The following TRPM3 variants were observed in gnomAD, a reference collection of about 807,000 sequenced individuals.
TRPM3 encodes the protein long transient receptor potential channel 3.
In TRPM3, 77 loss-of-function variants were observed where a neutral mutation model predicts 181.2. The observed-to-expected ratio is 0.42, with a 90% CI of 0.35 to 0.51. The LOEUF is 0.51. Ranked by LOEUF, TRPM3 falls within the 20% of genes least tolerant of loss-of-function variation. The probability of loss-of-function intolerance (pLI) is 0.01; values close to 1 mark genes in which losing one functional copy is unlikely to be tolerated. For synonymous variants in TRPM3, 745 were observed against 796.4 expected (o/e 0.94, Z 1.09); for missense variants, 1,759 against 2,196.7 (o/e 0.80, Z 3.98).
At chr9:70,931,655 T>A (rs185880241) in intron 1 of TRPM3, among the ~76,000 whole-genome samples, 171 of 151,958 alleles carry the variant, frequency 1.1e-3, no homozygotes, top group African/African-American at 4.1e-3. Context: ...AAAGAAAAAA[T>A]TGGTCTCTGG....
intron 9 of TRPM3, among the ~76,000 whole-genome samples, chr9:70,665,202 GT>G (rs11287473): frequency 0.39 from 58,359 of 151,582 alleles, 11,717 homozygotes; most frequent in African/African-American, 0.49. Context: ...AGCATTGTTT[GT>G]TTTTTTCCTC....
Position 70,665,537 on chromosome 9 carries a change from C to T in TRPM3, c.1345+15969G>A, listed in dbSNP as rs150736996. ...AATAGACACGTTCTCTTTATTGTGC[C>T]CTCTGCCATAAAGTCAGTCAGTACT... On this transcript the variant is annotated intron_variant, in intron 9 of 25. Transcript: ENST00000677713. Among the ~76,000 whole-genome samples the T allele has an allele frequency of 3.3e-4, 51 of 152,252 alleles. 1 individual carries two copies. Among genetic ancestry groups the T allele is most frequent in the African/African-American group, 1.1e-3 (46 of 41,542 alleles).
chr9:70,811,333 AT>A (rs2091997640), intron 6 of TRPM3: 1 of 1,141,184 alleles, frequency 8.8e-7, no homozygotes, highest in Admixed American at 2.2e-5. Flanking sequence ...ATTTACATAA[AT>A]TTATATACGT....
rs76836180 is a variant in TRPM3, at chr9:71,217,452, C to T, written c.183+229201G>A. ...TGTTTGGCTTCCATAATAAAGTCAACGGCTAAGCATAGCAGTCCTCTGCCC... is the reference window on the plus strand; with the variant it reads ...TGTTTGGCTTCCATAATAAAGTCAATGGCTAAGCATAGCAGTCCTCTGCCC... On this transcript the variant is annotated intron_variant, in intron 1 of 24. Transcript: ENST00000357533. 8.5e-3 allele frequency among the ~76,000 whole-genome samples: 1,292 copies of T among 152,274 alleles called. 10 individuals are homozygous for T. Among genetic ancestry groups the T allele is most frequent in the Non-Finnish European group, 0.014 (949 of 68,022 alleles).
chr9:70,988,882 C>A (rs1378298210), intron 1 of TRPM3, among the ~76,000 whole-genome samples: 1 of 152,104 alleles, frequency 6.6e-6, no homozygotes, highest in African/African-American at 2.4e-5. Flanking sequence ...TGAAAGCCAG[C>A]AAGACAAAAG....
At chr9:71,198,435 G>T (rs1317307369) in intron 1 of TRPM3, among the ~76,000 whole-genome samples, 1 of 152,012 alleles carries the variant, frequency 6.6e-6, no homozygotes, top group Admixed American at 6.6e-5. Context: ...TCATGGGGAT[G>T]GCATTAAATC....
intron 1 of TRPM3, among the ~76,000 whole-genome samples, chr9:71,154,867 A>C (rs2075905325): frequency 6.6e-6 from 1 of 152,192 alleles, no homozygotes; most frequent in East Asian, 1.9e-4. Context: ...TTTGAAACTC[A>C]AGATTCCCAT....
intron 22 of TRPM3, among the ~76,000 whole-genome samples, chr9:70,564,831 G>T (rs985717266): frequency 6.6e-6 from 1 of 152,150 alleles, no homozygotes; most frequent in Admixed American, 6.5e-5. Flanking sequence ...TAATATTCAG[G>T]AATGCGTATA....
At chr9:71,018,814 C>T (rs1352647926) in intron 1 of TRPM3, among the ~76,000 whole-genome samples, 1 of 151,822 alleles carries the variant, frequency 6.6e-6, no homozygotes, top group African/African-American at 2.4e-5. Context: ...AACCTTGATA[C>T]TAAATCCTGA....
At chr9:70,967,707 T>C (rs562146239) in intron 1 of TRPM3, among the ~76,000 whole-genome samples, 2 of 152,246 alleles carry the variant, frequency 1.3e-5, no homozygotes, top group Non-Finnish European at 2.9e-5. Flanking sequence ...GACTCAACAA[T>C]TTCTTTTTAG....
intron 1 of TRPM3, among the ~76,000 whole-genome samples, chr9:71,256,802 A>C (rs537478028): frequency 6.6e-6 from 1 of 152,300 alleles, no homozygotes; most frequent in South Asian, 2.1e-4. Context: ...AATCTGTGCT[A>C]TGACTTATAG....
intron 22 of TRPM3, among the ~76,000 whole-genome samples, chr9:70,572,114 T>TTG (rs58492210): frequency 0.19 from 27,958 of 149,856 alleles, 2,685 homozygotes; most frequent in African/African-American, 0.25. Flanking sequence ...TCCCAGTTAC[T>TTG]TGTGTGTGTG....
intron 12 of TRPM3, among the ~76,000 whole-genome samples, chr9:70,630,723 T>C (rs2065674879): frequency 6.6e-6 from 1 of 152,214 alleles, no homozygotes; most frequent in Non-Finnish European, 1.5e-5. Flanking sequence ...TTTCATGCCT[T>C]AACAGTGGGA....
chr9:70,670,649 G>A (rs1563926644), intron 9 of TRPM3, among the ~76,000 whole-genome samples: 1 of 151,988 alleles, frequency 6.6e-6, no homozygotes, highest in Non-Finnish European at 1.5e-5. Context: ...TTTCAAATCT[G>A]GCATTTTACA....
At chr9:70,801,305 C>G (rs2088929682) in intron 6 of TRPM3, among the ~76,000 whole-genome samples, 1 of 152,108 alleles carries the variant, frequency 6.6e-6, no homozygotes, top group African/African-American at 2.4e-5. Flanking sequence ...TTAAAAGGGC[C>G]AAGGCTCACC....
In TRPM3 at chr9:70,553,315, A is replaced by G; in HGVS notation, c.3224-5T>C. 6.2e-7 allele frequency: 1 copy of G among 1,613,996 alleles called. No homozygotes were observed. Among genetic ancestry groups the G allele is most frequent in the Non-Finnish European group, 8.5e-7 (1 of 1,179,980 alleles). ...TCTCATTCTGTCCACAGGGAGCTGG[A>G]GGGAGCAACACACACAAGAAATGAG... On this transcript the variant is annotated splice_polypyrimidine_tract_variant and splice_region_variant and intron_variant, in intron 22 of 25. Transcript: ENST00000677713.
At chr9:70,609,349 G>C (rs1332569780) in intron 19 of TRPM3, among the ~76,000 whole-genome samples, 1 of 152,124 alleles carries the variant, frequency 6.6e-6, no homozygotes, top group Non-Finnish European at 1.5e-5. Flanking sequence ...AGTTATTTTT[G>C]GGGGGAGAGA....
intron 1 of TRPM3, among the ~76,000 whole-genome samples, chr9:70,992,568 T>A (rs529013771): frequency 3.2e-4 from 48 of 152,360 alleles, no homozygotes; most frequent in African/African-American, 1.1e-3. Context: ...ATGGAAATGA[T>A]CTATAATATC....
intron 6 of TRPM3, among the ~76,000 whole-genome samples, chr9:70,792,697 C>T (rs1020176852): frequency 2.0e-5 from 3 of 149,266 alleles, no homozygotes; most frequent in Non-Finnish European, 4.4e-5. Context: ...ACTGATATAG[C>T]TGGGATTATT....
Sources: allele counts gnomAD v4.1 joint callset (sites outside exome capture counted in the v4.1 genomes callset), GRCh38; gene constraint gnomAD v4.1.1; transcripts MANE v1.5; gene names NCBI Gene and HGNC (gene_info 2026-07-23, HGNC 2026-07-21).